MDGA2: variants seen among roughly 807,000 people sequenced by gnomAD.
The protein encoded by MDGA2 is MAM domain-containing glycosylphosphatidylinositol anchor protein 2.
In MDGA2, 40 loss-of-function variants were observed where a neutral mutation model predicts 117.8. The ratio of observed to expected loss-of-function variants is 0.34; its 90% CI spans 0.26 to 0.44. The LOEUF is 0.44. Among genes scored for constraint, MDGA2 ranks in the 20% least tolerant of loss-of-function variants. The pLI is 1.00. For synonymous variants in MDGA2, 452 were observed against 439.0 expected (o/e 1.03, Z -0.37); for missense variants, 1,123 against 1,250.6 (o/e 0.90, Z 1.54).
At chr14:47,508,027 A>C (rs1894552231) in intron 1 of MDGA2, among the ~76,000 whole-genome samples, 1 of 152,224 alleles carries the variant, frequency 6.6e-6, no homozygotes, top group African/African-American at 2.4e-5. Flanking sequence ...TCAGTGAAAA[A>C]GAATTCTATT....
At chr14:47,164,898 T>A (rs7148270) in intron 3 of MDGA2, among the ~76,000 whole-genome samples, 16,922 of 152,144 alleles carry the variant, frequency 0.11, 1,110 homozygotes, top group African/African-American at 0.17. Flanking sequence ...TGGCACATAG[T>A]CACCATGGAA....
At chr14:47,053,632 TATATATATATATATATATATATAC>T (rs1244066645) in intron 7 of MDGA2, among the ~76,000 whole-genome samples, 4,363 of 95,162 alleles carry the variant, frequency 0.046, 241 homozygotes, top group East Asian at 0.24. Context: ...TATATATATA[TATATATATATATATATATATATAC>T]ACACACACAC....
intron 6 of MDGA2, among the ~76,000 whole-genome samples, chr14:47,074,841 T>C (rs948269568): frequency 6.6e-6 from 1 of 152,194 alleles, no homozygotes; most frequent in African/African-American, 2.4e-5. Flanking sequence ...GGTCCCACTT[T>C]AGTAAAACCC....
intron 1 of MDGA2, among the ~76,000 whole-genome samples, chr14:47,426,761 G>A (rs1178166344): frequency 6.8e-6 from 1 of 146,998 alleles, no homozygotes; most frequent in African/African-American, 2.5e-5. Flanking sequence ...AACAATAGAG[G>A]ATTCACTGAA....
At chr14:47,243,645 C>G (rs949545805) in intron 2 of MDGA2, among the ~76,000 whole-genome samples, 1 of 151,358 alleles carries the variant, frequency 6.6e-6, no homozygotes. Flanking sequence ...CCTGAGCCAG[C>G]GAGACCACGA....
chr14:47,248,982 T>TC (rs1887347818), intron 2 of MDGA2, among the ~76,000 whole-genome samples: 1 of 114,866 alleles, frequency 8.7e-6, no homozygotes, highest in African/African-American at 2.9e-5. Context: ...TTCTCTCTCT[T>TC]TCTTTCTTTC....
Position 46,999,201 on chromosome 14 carries a change from C to T in MDGA2, c.1819+35810G>A, listed in dbSNP as rs369918818. Among the ~76,000 whole-genome samples the T allele has an allele frequency of 3.4e-4, 50 of 148,396 alleles. No homozygotes were observed. In the East Asian group the frequency reaches 5.8e-3, roughly 17 times the overall value. On this transcript the variant is annotated intron_variant, in intron 8 of 16. Coordinates refer to ENST00000399232, the MANE Select transcript of MDGA2 (RefSeq NM_001113498.3). ...GAAGGCAAAAATTCTACTGTTGTCA[C>T]AGCAGGTAAAAAAAAAAGCTGTAAA...
At chr14:47,072,159 A>T (rs1275283840) in intron 6 of MDGA2, among the ~76,000 whole-genome samples, 1 of 147,684 alleles carries the variant, frequency 6.8e-6, no homozygotes, top group Non-Finnish European at 1.5e-5. Context: ...TGTATTCATT[A>T]ATAGTTAACT....
At chr14:47,254,078 G>A (rs1038250529) in intron 2 of MDGA2, among the ~76,000 whole-genome samples, 2 of 152,134 alleles carry the variant, frequency 1.3e-5, no homozygotes, top group East Asian at 3.9e-4. Flanking sequence ...AGAGCAGGGG[G>A]GCCCTGGGCC....
rs571891973 is a variant in MDGA2, at chr14:47,336,845, G to T, written c.281-35295C>A. On this transcript the variant is annotated intron_variant, in intron 1 of 16. Coordinates refer to ENST00000399232, the MANE Select transcript of MDGA2 (RefSeq NM_001113498.3). The stretch of plus-strand genomic sequence containing the variant: ...GTTTCCTGAGTGTAAAAGAGTTCAG[G>T]CATCTTTTTTGACTTGTTCACCATT... Among the ~76,000 whole-genome samples, 6 of 151,712 alleles carry T rather than the reference G, an allele frequency of 4.0e-5. 1 individual carries two copies. In the South Asian group the frequency reaches 1.3e-3, roughly 32 times the overall value.
chr14:47,239,657 A>C lies in MDGA2; in HGVS notation c.421-21462T>G, dbSNP rs577175617. ...TTACCTTTGGCTATTTTACTATTAC[A>C]TTTCAATAAGATAATGAATTTTCCT... is the stretch of plus-strand genomic sequence containing the variant. On this transcript the variant is annotated intron_variant, in intron 2 of 16. Coordinates refer to ENST00000399232, the MANE Select transcript of MDGA2 (RefSeq NM_001113498.3). Among the ~76,000 whole-genome samples, 47 of 151,958 alleles carry C rather than the reference A, an allele frequency of 3.1e-4. 1 individual carries two copies. The South Asian group carries it at 6.9e-3, about 22-fold the overall frequency.
At chr14:47,617,209 CTT>C (rs1249374796) in intron 1 of MDGA2, among the ~76,000 whole-genome samples, 13 of 144,208 alleles carry the variant, frequency 9.0e-5, no homozygotes, top group Admixed American at 1.4e-4. Flanking sequence ...TTGTATTAGT[CTT>C]TTTTTTTTTT....
intron 2 of MDGA2, among the ~76,000 whole-genome samples, chr14:47,252,439 CTT>C (rs1887478268): frequency 6.6e-6 from 1 of 152,026 alleles, no homozygotes; most frequent in Non-Finnish European, 1.5e-5. Context: ...TTAATCACAA[CTT>C]TGCATATTTC....
chr14:47,200,997 T>C, intron 3 of MDGA2: 4 of 851,162 alleles, frequency 4.7e-6, no homozygotes, highest in South Asian at 1.3e-5. Flanking sequence ...CTTCGCAGCA[T>C]ACGACCACCA....
At chr14:47,549,373 G>C (rs1594911965) in intron 1 of MDGA2, among the ~76,000 whole-genome samples, 2 of 50,086 alleles carry the variant, frequency 4.0e-5, no homozygotes, top group African/African-American at 5.6e-5. Context: ...CTCTCTCTCT[G>C]AAGAACAGTT....
chr14:47,149,070 C>T (rs1001361035), intron 3 of MDGA2, among the ~76,000 whole-genome samples: 5 of 152,064 alleles, frequency 3.3e-5, no homozygotes, highest in Admixed American at 1.3e-4. Flanking sequence ...TTGGGTGGAT[C>T]ATTTGAGGTC....
chr14:47,139,806 A>G (rs1040322785), intron 4 of MDGA2, among the ~76,000 whole-genome samples: 103 of 143,146 alleles, frequency 7.2e-4, no homozygotes, highest in Admixed American at 1.1e-3. Flanking sequence ...ATATATATGT[A>G]TATATATACA....
chr14:47,305,078 C>T (rs1243837490), intron 1 of MDGA2, among the ~76,000 whole-genome samples: 1 of 151,972 alleles, frequency 6.6e-6, no homozygotes, highest in Non-Finnish European at 1.5e-5. Flanking sequence ...TAATTCACAG[C>T]ACAGAGGAGG....
intron 8 of MDGA2, among the ~76,000 whole-genome samples, chr14:46,974,455 CG>C (rs1453816028): frequency 1.4e-4 from 22 of 152,198 alleles, no homozygotes; most frequent in African/African-American, 5.1e-4. Flanking sequence ...CTGGAAGACT[CG>C]CACTTCTTGA....
Sources: gnomAD v4.1 joint callset for allele counts (sites outside exome capture counted in the v4.1 genomes callset) on GRCh38, gnomAD v4.1.1 for gene constraint, MANE v1.5 for transcripts, NCBI Gene and HGNC (gene_info 2026-07-23, HGNC 2026-07-21) for gene names.